Variants in RFPL4B observed in about 807,000 individuals in gnomAD.
RFPL4B encodes the protein ret finger protein-like 4B.
For synonymous variants in RFPL4B, 118 were observed against 126.3 expected, an observed-to-expected ratio of 0.93 and a Z score of 0.44; for missense variants, 314 against 327.7, an observed-to-expected ratio of 0.96 and a Z score of 0.32.
chr6:112,347,709 G>A (rs569275543), intron 1 of RFPL4B, among the ~76,000 whole-genome samples: 1 of 152,182 alleles, frequency 6.6e-6, no homozygotes, highest in Non-Finnish European at 1.5e-5. Context: ...CTGGGTTTTC[G>A]GCCGGGCGCC....
chr6:112,350,542 G>T lies in RFPL4B; in HGVS notation c.*42G>T. On this transcript the variant is annotated 3_prime_UTR_variant, in exon 3 of 3. Transcript: ENST00000441065. ...TAGAAGCTTTCTGAGAGGTGAAAGA[G>T]AATTTTGGCCTGAGAAAGGTCAGCA... 1 of 1,499,336 alleles carries T rather than the reference G, an allele frequency of 6.7e-7. No homozygotes were observed. Among genetic ancestry groups the T allele is most frequent in the Non-Finnish European group, 9.0e-7 (1 of 1,114,538 alleles). The allele number at this position is 1,499,336 out of a possible 1,614,324, so 92.9% of individuals were successfully genotyped here.
chr6:112,350,047 T>C lies in RFPL4B; in HGVS notation c.339T>C (p.Asp113=), dbSNP rs1323379525. 6.2e-7 allele frequency: 1 copy of C among 1,614,152 alleles called. No individual in the cohort carries two copies. The highest frequency in any genetic ancestry group is 8.5e-7 in the Non-Finnish European group (1 of 1,180,022). Residue 113 remains aspartate, a synonymous_variant, in exon 3 of 3, where the codon GAT becomes GAC. Coordinates refer to ENST00000441065, the MANE Select transcript of RFPL4B (RefSeq NM_001013734.3). ...TASSLLVFSN[D]LRSAQCKKIH... Reference sequence around the variant, plus strand: ...GCTCCCTCCTTGTCTTCTCCAATGATCTAAGAAGCGCTCAGTGTAAGAAGA... The same window carrying C: ...GCTCCCTCCTTGTCTTCTCCAATGACCTAAGAAGCGCTCAGTGTAAGAAGA...
chr6:112,348,448 G>T (rs1789109907), intron 1 of RFPL4B, among the ~76,000 whole-genome samples: 1 of 152,228 alleles, frequency 6.6e-6, no homozygotes, highest in Non-Finnish European at 1.5e-5. Context: ...AGAGATTAGA[G>T]AATGTGTTCT....
At chr6:112,348,470 C>T (rs1379608251) in intron 1 of RFPL4B, among the ~76,000 whole-genome samples, 1 of 152,202 alleles carries the variant, frequency 6.6e-6, no homozygotes, top group East Asian at 1.9e-4. Flanking sequence ...GGATGTAGGA[C>T]AGTTCTAGTA....
At position 112,349,797 on chromosome 6, in the gene RFPL4B, T is replaced by C; in HGVS notation, c.89T>C (p.Phe30Ser). Reference protein sequence around the residue: ...CSISLSCTHVFCFDCIQRYIL... With the variant: ...CSISLSCTHVSCFDCIQRYIL... ...ATTTCTCTCTCTTGTACACACGTGT[T>C]CTGCTTTGATTGCATCCAGAGGTAT... Residue 30 changes from phenylalanine (F) to serine (S), a missense_variant, in exon 3 of 3, where the codon TTC becomes TCC. Transcript: ENST00000441065. 6.2e-7 allele frequency: 1 copy of C among 1,614,166 alleles called. No individual in the cohort carries two copies.
rs1192313058 is a variant in RFPL4B at position 112,350,090 on chromosome 6, A to G, written c.382A>G (p.Lys128Glu). ...TAAGAAGATCCACCACGATCTGACA[A>G]AAGATCCCAGGCTGGCCTGTGTCCT... ...QCKKIHHDLT[K>E]DPRLACVLGT... The change falls in exon 3 of 3, where the codon AAA becomes GAA. Residue 128 changes from lysine to glutamate, a missense_variant. By Grantham distance (56) the Lys-to-Glu change is moderately conservative. Coordinates refer to ENST00000441065, the MANE Select transcript of RFPL4B (RefSeq NM_001013734.3). 1 of 1,614,070 alleles carries G rather than the reference A, an allele frequency of 6.2e-7. No individual in the cohort carries two copies. The highest frequency in any genetic ancestry group is 2.2e-5 in the East Asian group (1 of 44,888).
Position 112,349,584 on chromosome 6 carries a change from T to G in RFPL4B, c.-105-20T>G, listed in dbSNP as rs1789123556. 2 of 444,736 alleles carry G rather than the reference T, an allele frequency of 4.5e-6. No homozygotes were observed. The highest frequency in any genetic ancestry group is 7.5e-5 in the Admixed American group (2 of 26,730). The allele number at this position is 444,736 out of a possible 1,614,324, so 27.5% of individuals were successfully genotyped here. On this transcript the variant is annotated intron_variant, in intron 2 of 2. Coordinates refer to ENST00000441065, the MANE Select transcript of RFPL4B (RefSeq NM_001013734.3). ...CCAATAACTTATTTATTAATTTATA[T>G]TATTTAATCTTGGATTTAGACTATT...
intron 1 of RFPL4B, among the ~76,000 whole-genome samples, chr6:112,347,723 GT>G (rs1339485404): frequency 6.6e-6 from 1 of 152,212 alleles, no homozygotes; most frequent in Non-Finnish European, 1.5e-5. Context: ...GGGCGCCATG[GT>G]TCGCGCCTGC....
rs372679687 is a variant in RFPL4B, at chr6:112,350,057, G to A, written c.349G>A (p.Ala117Thr). 1.4e-5 allele frequency: 23 copies of A among 1,614,058 alleles called. No homozygotes were observed. The highest frequency in any genetic ancestry group is 6.7e-5 in the East Asian group (3 of 44,886). ...TGTCTTCTCCAATGATCTAAGAAGC[G>A]CTCAGTGTAAGAAGATCCACCACGA... Reference protein sequence around the residue: ...LLVFSNDLRSAQCKKIHHDLT... With the variant: ...LLVFSNDLRSTQCKKIHHDLT... Residue 117 changes from alanine to threonine, a missense_variant, in exon 3 of 3, where the codon GCT (alanine) becomes ACT (threonine). Physicochemically the swap from Ala to Thr is moderately conservative, Grantham distance 58. Coordinates refer to ENST00000441065, the MANE Select transcript of RFPL4B (RefSeq NM_001013734.3).
Position 112,349,693 on chromosome 6 carries a change from G to C in RFPL4B, c.-16G>C, listed in dbSNP as rs1225783816. Reference sequence around the variant, plus strand: ...CTTCAGTTTACTTCACGGCTAAGGAGTAACCCTTAAGAACCATGGCCAAAC... The same window carrying C: ...CTTCAGTTTACTTCACGGCTAAGGACTAACCCTTAAGAACCATGGCCAAAC... On this transcript the variant is annotated 5_prime_UTR_variant, in exon 3 of 3. Transcript: ENST00000441065. 6.2e-7 allele frequency: 1 copy of C among 1,609,766 alleles called. No homozygotes were observed. The highest frequency in any genetic ancestry group is 1.1e-5 in the South Asian group (1 of 90,638).
rs1484682274 is a variant in RFPL4B at position 112,350,194 on chromosome 6, C to G, written c.486C>G (p.Val162=). 1 of 1,614,086 alleles carries G rather than the reference C, an allele frequency of 6.2e-7. No homozygotes were observed. Among genetic ancestry groups the G allele is most frequent in the East Asian group, 2.2e-5 (1 of 44,894 alleles). The change falls in exon 3 of 3, where the codon GTC becomes GTG. Residue 162 remains valine (V), a synonymous_variant. Coordinates refer to ENST00000441065, the MANE Select transcript of RFPL4B (RefSeq NM_001013734.3). ...AGGTGAAGTCATGGTCCCTGGGCGT[C>G]TGCAAGGAGCCGGCTGACAGAAAGA... ...VGEVKSWSLG[V]CKEPADRKSN... is the part of the protein sequence containing the mutation.
chr6:112,349,356 G>A (rs1582410463), intron 2 of RFPL4B, 35 bp downstream of exon 2: 1 of 152,776 alleles, frequency 6.5e-6, no homozygotes, highest in African/African-American at 2.4e-5. Context: ...AGTTTCCACT[G>A]TCCTATTTCT....
At chr6:112,348,674 A>G (rs978483983) in intron 1 of RFPL4B, among the ~76,000 whole-genome samples, 1 of 152,334 alleles carries the variant, frequency 6.6e-6, no homozygotes, top group East Asian at 1.9e-4. Flanking sequence ...CTGTTCACAT[A>G]ATCTCAAAGG....
chr6:112,350,247 T>A lies in RFPL4B; in HGVS notation c.539T>A (p.Phe180Tyr). ...KSNDLFPEHGFWISMKAGAIH... is the reference protein window; with the variant it reads ...KSNDLFPEHGYWISMKAGAIH... ...AATGATTTATTCCCTGAGCATGGCT[T>A]CTGGATCAGCATGAAGGCAGGAGCA... The change falls in exon 3 of 3, where the codon TTC becomes TAC. Residue 180 changes from phenylalanine to tyrosine, a missense_variant. By Grantham distance (22) the Phe-to-Tyr change is conservative. Transcript: ENST00000441065. The A allele has an allele frequency of 1.2e-6, 2 of 1,614,192 alleles. No individual in the cohort carries two copies. Among genetic ancestry groups the A allele is most frequent in the Non-Finnish European group, 1.7e-6 (2 of 1,180,030 alleles).
Position 112,351,122 on chromosome 6 carries a change from T to C in RFPL4B, c.*622T>C, listed in dbSNP as rs531817877. The C allele has an allele frequency of 1.8e-5, 3 of 167,242 alleles. No individual in the cohort carries two copies. Among genetic ancestry groups the C allele is most frequent in the South Asian group, 2.1e-4 (1 of 4,834 alleles). 10.4% of individuals were successfully genotyped at this position (167,242 alleles called of 1,614,324 possible). On this transcript the variant is annotated 3_prime_UTR_variant, in exon 3 of 3. Transcript: ENST00000441065. ...AAAATGCATTGTTAATGGTGATTCA[T>C]ATTCTTATGGGAAGTGTCATTTACC...
rs193228008 is a variant in RFPL4B at position 112,349,849 on chromosome 6, G to A, written c.141G>A (p.Ala47=). 1.2e-5 allele frequency: 19 copies of A among 1,614,130 alleles called. No homozygotes were observed. The Admixed American group carries it at 1.8e-4, about 16-fold the overall frequency. Residue 47 remains alanine, a synonymous_variant, in exon 3 of 3, where the codon GCG becomes GCA. Coordinates refer to ENST00000441065, the MANE Select transcript of RFPL4B (RefSeq NM_001013734.3). ...TACTAGAAAACCATGATTTTAGAGC[G>A]ATGTGCCCCTTGTGTCGAGACGTGG... ...RYILENHDFR[A]MCPLCRDVVK... is the part of the protein sequence containing the mutation.
Position 112,348,990 on chromosome 6 carries a change from T to A in RFPL4B, c.-234-203T>A, listed in dbSNP as rs545446266. ...TCTTAGAGTGCTTTAAAGCATTTCATCTAATAACACTTTGTCCTTAAACTT... is the reference window on the plus strand; with the variant it reads ...TCTTAGAGTGCTTTAAAGCATTTCAACTAATAACACTTTGTCCTTAAACTT... On this transcript the variant is annotated intron_variant, in intron 1 of 2. Transcript: ENST00000441065. 2.0e-5 allele frequency among the ~76,000 whole-genome samples: 3 copies of A among 152,354 alleles called. No individual in the cohort carries two copies. The East Asian group carries it at 5.8e-4, about 29-fold the overall frequency.
chr6:112,350,405 G>T lies in RFPL4B; in HGVS notation c.697G>T (p.Asp233Tyr). 1 of 1,614,018 alleles carries T rather than the reference G, an allele frequency of 6.2e-7. No individual in the cohort carries two copies. The highest frequency in any genetic ancestry group is 8.5e-7 in the Non-Finnish European group (1 of 1,179,938). Residue 233 changes from aspartate (D) to tyrosine (Y), a missense_variant, in exon 3 of 3, where the codon GAT (aspartate) becomes TAT (tyrosine). Asp to Tyr is a radical substitution (Grantham distance 160, BLOSUM62 -3). Transcript: ENST00000441065. ...CAATAATGTCCTCATCTATACACAT[G>T]ATGGTTTCTTCTCTTTGGAGCTTTT... ...VDNNVLIYTHDGFFSLELLCP... is the reference protein window; with the variant it reads ...VDNNVLIYTHYGFFSLELLCP...
In RFPL4B at chr6:112,349,654, C is replaced by T; in HGVS notation, c.-55C>T. 6.6e-7 allele frequency: 1 copy of T among 1,516,590 alleles called. No homozygotes were observed. The highest frequency in any genetic ancestry group is 9.0e-7 in the Non-Finnish European group (1 of 1,108,422). The allele number at this position is 1,516,590 out of a possible 1,614,324, so 93.9% of individuals were successfully genotyped here. A position where few individuals can be genotyped will look rare whatever the true frequency, so the allele number is the denominator to read the frequency against. The stretch of plus-strand genomic sequence containing the variant: ...GAGGGCTCCCAAGTGCTTCCAGAAG[C>T]CAATAAAGGATCACTTCAGTTTACT... On this transcript the variant is annotated 5_prime_UTR_variant, in exon 3 of 3. Transcript: ENST00000441065.
Sources: allele counts gnomAD v4.1 joint callset (sites outside exome capture counted in the v4.1 genomes callset), GRCh38; gene constraint gnomAD v4.1.1; transcripts MANE v1.5; gene names NCBI Gene and HGNC (gene_info 2026-07-23, HGNC 2026-07-21).